The following DNAL1 variants were observed in gnomAD, a reference collection of about 807,000 sequenced individuals.
DNAL1 encodes dynein axonemal light chain 1.
In DNAL1, 17 loss-of-function variants were observed where a neutral mutation model predicts 29.4. The observed-to-expected ratio is 0.58, with a 90% CI of 0.40 to 0.87. The LOEUF is 0.87. Among genes scored for constraint, DNAL1 ranks in the 40% least tolerant of loss-of-function variants. DNAL1 has a pLI of 0.00. For missense variants in DNAL1, 188 were observed against 214.1 expected (o/e 0.88, Z 0.76); for synonymous variants, 78 against 76.3 (o/e 1.02, Z -0.12).
At chr14:73,664,469 C>T (rs1023057793) in intron 4 of DNAL1, among the ~76,000 whole-genome samples, 3 of 152,152 alleles carry the variant, frequency 2.0e-5, no homozygotes, top group Non-Finnish European at 4.4e-5. Context: ...ATCCAATTTA[C>T]ACCCAAATAC....
In DNAL1 at chr14:73,659,161, ATTT is replaced by A. The variant is rs10547955; in HGVS notation, c.152+221_152+223del. Among the ~76,000 whole-genome samples the A allele has an allele frequency of 0.24, 33,896 of 140,640 alleles. 4,624 individuals carry two copies. The highest frequency in any genetic ancestry group is 0.34 in the Non-Finnish European group (21,833 of 65,088). 92.3% of individuals were successfully genotyped at this position (140,640 alleles called of 152,430 possible). On this transcript the variant is annotated intron_variant, in intron 3 of 7. Transcript: ENST00000553645. ...AGAAAATATTGAACAGTATAGTACA[ATTT>A]TTTTTTTTTTTTTTTGAGATGGGGT...
chr14:73,678,602 C>T (rs1209164069), intron 5 of DNAL1, among the ~76,000 whole-genome samples: 2 of 147,662 alleles, frequency 1.4e-5, no homozygotes, highest in Non-Finnish European at 3.0e-5. Flanking sequence ...AACACTGTTG[C>T]TGAGACAGGC....
Position 73,662,013 on chromosome 14 carries a change from T to C in DNAL1, c.179T>C (p.Ile60Thr), listed in dbSNP as rs766391356. The C allele has an allele frequency of 1.3e-6, 2 of 1,560,950 alleles. No homozygotes were observed. The highest frequency in any genetic ancestry group is 1.2e-5 in the South Asian group (1 of 84,362). ...AAGCTTTCACTGTCTACAAACTGCATTGAAAAAATTGCCAACCTGAATGGC... is the reference window on the plus strand; with the variant it reads ...AAGCTTTCACTGTCTACAAACTGCACTGAAAAAATTGCCAACCTGAATGGC... The part of the protein sequence containing the change: ...CEKLSLSTNC[I>T]EKIANLNGLK... Residue 60 changes from isoleucine (I) to threonine (T), a missense_variant, in exon 4 of 8, where the codon ATT becomes ACT. Coordinates refer to ENST00000553645, the MANE Select transcript of DNAL1 (RefSeq NM_031427.4).
intron 4 of DNAL1, among the ~76,000 whole-genome samples, chr14:73,662,698 CTCTG>C (rs534024020): frequency 4.3e-4 from 65 of 152,190 alleles, no homozygotes; most frequent in African/African-American, 1.5e-3. Flanking sequence ...TGTGTCAAAT[CTCTG>C]TCTGCCTCCC....
At chr14:73,661,956 C>A (rs1891366938) in intron 3 of DNAL1, 31 bp from the exon 4 acceptor site, 26 of 1,459,194 alleles carry the variant, frequency 1.8e-5, no homozygotes, top group Non-Finnish European at 2.3e-5. Context: ...TTACATTTTT[C>A]ACATTAAATT....
At chr14:73,682,846 C>CTGTCTGA (rs1266889291) in intron 5 of DNAL1, among the ~76,000 whole-genome samples, 1 of 149,802 alleles carries the variant, frequency 6.7e-6, no homozygotes, top group Non-Finnish European at 1.5e-5. Flanking sequence ...CCTTAAGGAC[C>CTGTCTGA]TGTCTGAGGC....
At chr14:73,666,904 C>T (rs1221005839) in intron 4 of DNAL1, among the ~76,000 whole-genome samples, 5 of 151,788 alleles carry the variant, frequency 3.3e-5, no homozygotes, top group Non-Finnish European at 7.4e-5. Flanking sequence ...CCCAGTTTCA[C>T]GTCCATAACC....
At chr14:73,681,655 T>TATATATATATATA (rs1555402648) in intron 5 of DNAL1, among the ~76,000 whole-genome samples, 7 of 127,238 alleles carry the variant, frequency 5.5e-5, no homozygotes, top group African/African-American at 9.9e-5. Flanking sequence ...TATATATATA[T>TATATATATATATA]TAGTTGGGTG....
chr14:73,658,727 G>T (rs762760445), intron 2 of DNAL1, 120 bp from the exon 3 acceptor site: 2 of 641,930 alleles, frequency 3.1e-6, no homozygotes, highest in African/African-American at 1.8e-5. Flanking sequence ...TTATTAAACA[G>T]TTTGCTAAAT....
rs535903147 is a variant in DNAL1, at chr14:73,696,533, T to C, written c.*591T>C. On this transcript the variant is annotated 3_prime_UTR_variant, in exon 8 of 8. Transcript: ENST00000553645. ...GACCTTCTAGTCTATATTATACTTA[T>C]TTGTTTTTCCAAAAATGTGCACATT... is the stretch of plus-strand genomic sequence containing the variant. 40 of 152,390 alleles carry C rather than the reference T, an allele frequency of 2.6e-4. No homozygotes were observed. Among genetic ancestry groups the C allele is most frequent in the African/African-American group, 8.9e-4 (37 of 41,574 alleles). The allele number at this position is 152,390 out of a possible 1,614,324, so 9.4% of individuals were successfully genotyped here. A position where few individuals can be genotyped will look rare whatever the true frequency, so the allele number is the denominator to read the frequency against.
chr14:73,651,699 C>T (rs901687803), intron 1 of DNAL1, among the ~76,000 whole-genome samples: 3 of 152,128 alleles, frequency 2.0e-5, no homozygotes, highest in African/African-American at 4.8e-5. Context: ...CTCTGCTGCC[C>T]GGGCTGCAGT....
intron 1 of DNAL1, among the ~76,000 whole-genome samples, chr14:73,647,170 A>G (rs545912891): frequency 1.2e-4 from 19 of 152,098 alleles, no homozygotes; most frequent in African/African-American, 4.6e-4. Flanking sequence ...CATCCTGGCT[A>G]TCATGGTGAA....
chr14:73,677,884 T>TTTGTG (rs1555402398), intron 5 of DNAL1, among the ~76,000 whole-genome samples: 290 of 96,124 alleles, frequency 3.0e-3, no homozygotes, highest in East Asian at 0.015. Flanking sequence ...ATATATATAT[T>TTTGTG]TGTGTGTGTG....
chr14:73,664,091 A>G (rs1235869028), intron 4 of DNAL1, among the ~76,000 whole-genome samples: 3 of 152,228 alleles, frequency 2.0e-5, no homozygotes, highest in Admixed American at 6.5e-5. Flanking sequence ...GAGCCCACCA[A>G]TTACACAAAG....
At chr14:73,682,591 CTT>C (rs1036542870) in intron 5 of DNAL1, among the ~76,000 whole-genome samples, 2 of 150,470 alleles carry the variant, frequency 1.3e-5, no homozygotes, top group African/African-American at 4.9e-5. Context: ...AAAATATTTT[CTT>C]TCTTTATTTC....
chr14:73,689,274 C>T (rs1892105001), intron 6 of DNAL1, 101 bp from the exon 7 acceptor site: 11 of 1,379,224 alleles, frequency 8.0e-6, no homozygotes, highest in Non-Finnish European at 9.9e-6. Flanking sequence ...TGTCGTGATC[C>T]GCCCGCCTTG....
chr14:73,676,233 C>CAA (rs1193712636), intron 5 of DNAL1, among the ~76,000 whole-genome samples: 82 of 120,384 alleles, frequency 6.8e-4, no homozygotes, highest in African/African-American at 2.5e-3. Context: ...GAGACTGTCT[C>CAA]AAAAAAAAAA....
intron 5 of DNAL1, among the ~76,000 whole-genome samples, chr14:73,676,245 A>C (rs958179134): frequency 6.6e-6 from 1 of 150,504 alleles, no homozygotes; most frequent in South Asian, 2.1e-4. Flanking sequence ...AAAAAAAAAA[A>C]AATTTTTTTT....
At chr14:73,660,958 A>G (rs1046708402) in intron 3 of DNAL1, among the ~76,000 whole-genome samples, 3 of 152,184 alleles carry the variant, frequency 2.0e-5, no homozygotes, top group Non-Finnish European at 4.4e-5. Context: ...AAGGCAATCC[A>G]TTATTCACTG....
Sources: allele counts gnomAD v4.1 joint callset (sites outside exome capture counted in the v4.1 genomes callset), GRCh38; gene constraint gnomAD v4.1.1; transcripts MANE v1.5; gene names NCBI Gene and HGNC (gene_info 2026-07-23, HGNC 2026-07-21).